Variants in EPHX2 observed in about 807,000 individuals in gnomAD.
The protein encoded by EPHX2 is epoxide hydrolase 2, also known as bifunctional epoxide hydrolase 2.
EPHX2 carries 74 observed loss-of-function variants against 78.7 expected under a neutral mutation model. That is an observed-to-expected ratio of 0.94 (90% CI 0.78 to 1.14). EPHX2 has a LOEUF of 1.14. EPHX2 is among the 50% of genes most tolerant of loss of function. The pLI is 0.00. For missense variants in EPHX2, 715 were observed against 702.5 expected (o/e 1.02, Z -0.20); for synonymous variants, 251 against 255.2 (o/e 0.98, Z 0.16).
intron 5 of EPHX2, among the ~76,000 whole-genome samples, chr8:27,509,450 T>C (rs1306433083): frequency 6.6e-6 from 1 of 152,170 alleles, no homozygotes; most frequent in South Asian, 2.1e-4. Flanking sequence ...TTATTTATTA[T>C]TATTTCTTTT....
intron 1 of EPHX2, among the ~76,000 whole-genome samples, chr8:27,496,547 G>A (rs1158456998): frequency 6.6e-6 from 1 of 152,154 alleles, no homozygotes; most frequent in African/African-American, 2.4e-5. Context: ...TAGGGGTTGG[G>A]TATAGCTGGA....
intron 9 of EPHX2, among the ~76,000 whole-genome samples, chr8:27,519,449 A>G (rs72475864): frequency 5.9e-5 from 9 of 152,348 alleles, no homozygotes; most frequent in African/African-American, 2.2e-4. Flanking sequence ...GCAGCAGCAC[A>G]AGGGCAAGCT....
At position 27,503,599 on chromosome 8, in the gene EPHX2, G is replaced by C; in HGVS notation, c.187-5G>C. The C allele has an allele frequency of 6.2e-7, 1 of 1,606,388 alleles. No individual in the cohort carries two copies. The highest frequency in any genetic ancestry group is 1.1e-5 in the South Asian group (1 of 89,646). ...ACAAATTGTCCCCTCACTTCACTTT[G>C]ACAGTGGATACCACTCATGGAAGAA... On this transcript the variant is annotated splice_region_variant and splice_polypyrimidine_tract_variant and intron_variant, in intron 2 of 18. Coordinates refer to ENST00000521400, the MANE Select transcript of EPHX2 (RefSeq NM_001979.6).
intron 13 of EPHX2, 85 bp downstream of exon 13, chr8:27,536,940 G>T: frequency 7.1e-7 from 1 of 1,409,966 alleles, no homozygotes; most frequent in Non-Finnish European, 9.8e-7. Context: ...GGGACCAGGA[G>T]TAGCAATCTG....
At chr8:27,517,592 A>G (rs943880921) in intron 8 of EPHX2, among the ~76,000 whole-genome samples, 1 of 152,256 alleles carries the variant, frequency 6.6e-6, no homozygotes, top group Admixed American at 6.5e-5. Flanking sequence ...GTTGATCCAC[A>G]TGTATGTGGT....
At chr8:27,527,385 A>G (rs538033401) in intron 12 of EPHX2, among the ~76,000 whole-genome samples, 1 of 152,322 alleles carries the variant, frequency 6.6e-6, no homozygotes, top group South Asian at 2.1e-4. Context: ...TAATTGTGGT[A>G]AAACACATGT....
chr8:27,534,538 G>C (rs1815149971), intron 12 of EPHX2, among the ~76,000 whole-genome samples: 1 of 152,114 alleles, frequency 6.6e-6, no homozygotes, highest in African/African-American at 2.4e-5. Context: ...TGTAATCCCA[G>C]CTACTTGGGA....
At chr8:27,544,062 T>C (rs1211272926) in intron 17 of EPHX2, 124 bp from the exon 18 acceptor site, 2 of 1,176,726 alleles carry the variant, frequency 1.7e-6, no homozygotes, top group Non-Finnish European at 2.5e-6. Flanking sequence ...TCCTAAATCA[T>C]GCAGGGTTTG....
chr8:27,533,271 C>T (rs1375568296), intron 12 of EPHX2, among the ~76,000 whole-genome samples: 1 of 152,158 alleles, frequency 6.6e-6, no homozygotes, highest in Admixed American at 6.5e-5. Flanking sequence ...GAAAGAAGTT[C>T]CCCAGCTGGT....
At chr8:27,503,478 C>A in intron 2 of EPHX2, 126 bp from the exon 3 acceptor site, 11 of 1,075,730 alleles carry the variant, frequency 1.0e-5, no homozygotes, top group Middle Eastern at 2.8e-4. Context: ...GTTGGCATTT[C>A]CAGTGGGTAT....
intron 12 of EPHX2, among the ~76,000 whole-genome samples, chr8:27,526,172 C>T (rs982245916): frequency 2.6e-5 from 4 of 152,222 alleles, no homozygotes; most frequent in African/African-American, 9.6e-5. Context: ...TCCCACGTTC[C>T]TCTCCCAGCC....
chr8:27,499,316 AATTAT>A (rs1180473957), intron 1 of EPHX2, among the ~76,000 whole-genome samples: 17 of 152,336 alleles, frequency 1.1e-4, no homozygotes, highest in Non-Finnish European at 1.5e-4. Flanking sequence ...CCATAGCAGT[AATTAT>A]ACCTTAACAA....
At chr8:27,517,775 A>G (rs968485281) in intron 8 of EPHX2, among the ~76,000 whole-genome samples, 3 of 152,152 alleles carry the variant, frequency 2.0e-5, no homozygotes, top group Non-Finnish European at 4.4e-5. Flanking sequence ...CTGAAACTGT[A>G]CAGCTTCTAG....
intron 12 of EPHX2, among the ~76,000 whole-genome samples, chr8:27,532,884 G>C (rs1432066646): frequency 6.6e-6 from 1 of 152,212 alleles, no homozygotes; most frequent in Admixed American, 6.5e-5. Flanking sequence ...GGGAGGCCAA[G>C]TGGGAGGATC....
At chr8:27,540,400 A>T (rs570168785) in intron 14 of EPHX2, among the ~76,000 whole-genome samples, 154 bp from the exon 15 acceptor site, 27 of 152,256 alleles carry the variant, frequency 1.8e-4, no homozygotes, top group East Asian at 9.7e-4. Flanking sequence ...AGGAGATGGG[A>T]TCACTCTGGC....
Position 27,543,797 on chromosome 8 carries a change from G to C in EPHX2, c.1498G>C (p.Val500Leu). Reference sequence around the variant, plus strand: ...CACGGCGGAGAAGGACTTCGTGCTCGTTCCTCAGATGTCCCAGCACATGGA... The same window carrying C: ...CACGGCGGAGAAGGACTTCGTGCTCCTTCCTCAGATGTCCCAGCACATGGA... ...MVTAEKDFVL[V>L]PQMSQHMEDW... Residue 500 changes from valine (V) to leucine (L), a missense_variant, in exon 17 of 19, where the codon GTT (valine) becomes CTT (leucine). Transcript: ENST00000521400. 3 of 1,614,064 alleles carry C rather than the reference G, an allele frequency of 1.9e-6. No homozygotes were observed. The highest frequency in any genetic ancestry group is 2.5e-6 in the Non-Finnish European group (3 of 1,180,010).
At chr8:27,542,223 T>C (rs1815425078) in intron 16 of EPHX2, among the ~76,000 whole-genome samples, 1 of 152,150 alleles carries the variant, frequency 6.6e-6, no homozygotes, top group Non-Finnish European at 1.5e-5. Context: ...GATACCATGG[T>C]GTGTAAACAG....
At position 27,525,107 on chromosome 8, in the gene EPHX2, T is replaced by TGTGC. The variant is rs1491544464; in HGVS notation, c.1059-254_1059-253insTGCG. ...GTGTGTGTGTGTGTGTGTGTGTGTG[T>TGTGC]GCGCGCGCGCGCGCGCACCTATGTG... On this transcript the variant is annotated intron_variant, in intron 11 of 18. Transcript: ENST00000521400. 5.4e-3 allele frequency among the ~76,000 whole-genome samples: 555 copies of TGTGC among 103,434 alleles called. 2 individuals are homozygous for TGTGC. The highest frequency in any genetic ancestry group is 0.014 in the African/African-American group (393 of 27,596). The allele number at this position is 103,434 out of a possible 152,430, so 67.9% of individuals were successfully genotyped here. A position where few individuals can be genotyped will look rare whatever the true frequency, so the allele number is the denominator to read the frequency against.
intron 15 of EPHX2, 85 bp from the exon 16 acceptor site, chr8:27,541,388 C>A: frequency 1.4e-6 from 2 of 1,392,272 alleles, no homozygotes; most frequent in Non-Finnish European, 2.0e-6. Flanking sequence ...GGACGACTGG[C>A]TGTGCAGAGC....
Sources: allele counts gnomAD v4.1 joint callset (sites outside exome capture counted in the v4.1 genomes callset), GRCh38; gene constraint gnomAD v4.1.1; transcripts MANE v1.5; gene names NCBI Gene and HGNC (gene_info 2026-07-23, HGNC 2026-07-21).